The following NEK5 variants were observed in gnomAD, a reference collection of about 807,000 sequenced individuals.
The protein encoded by NEK5 is serine/threonine-protein kinase Nek5.
NEK5 carries 88 observed loss-of-function variants against 109.2 expected under a neutral mutation model. That is an observed-to-expected ratio of 0.81 (90% CI 0.68 to 0.96). The LOEUF (loss-of-function observed/expected upper bound fraction) is 0.96. NEK5 is among the 40% of genes least tolerant of loss of function. The pLI is 0.00. For synonymous variants in NEK5, 283 were observed against 299.9 expected (o/e 0.94, Z 0.58); for missense variants, 834 against 920.7 (o/e 0.91, Z 1.22).
At chr13:52,094,225 A>G (rs777835288) in intron 12 of NEK5, among the ~76,000 whole-genome samples, 17 of 152,242 alleles carry the variant, frequency 1.1e-4, no homozygotes, top group Non-Finnish European at 2.1e-4. Flanking sequence ...TATAAAAGCC[A>G]GTCAAGACCT....
At chr13:52,054,882 A>C (rs1040186826) in intron 22 of NEK5, among the ~76,000 whole-genome samples, 1 of 152,256 alleles carries the variant, frequency 6.6e-6, no homozygotes, top group African/African-American at 2.4e-5. Context: ...AACTCTAAAA[A>C]GCAGAGCACC....
At chr13:52,077,722 C>T (rs906699493) in intron 17 of NEK5, among the ~76,000 whole-genome samples, 1 of 152,148 alleles carries the variant, frequency 6.6e-6, no homozygotes, top group Non-Finnish European at 1.5e-5. Context: ...ATGATCCATC[C>T]ATCCCAGTCC....
chr13:52,125,724 A>T (rs1956053415), intron 3 of NEK5, among the ~76,000 whole-genome samples: 1 of 152,236 alleles, frequency 6.6e-6, no homozygotes, highest in Non-Finnish European at 1.5e-5. Context: ...ACAGAAAAAG[A>T]AAATCAGAAA....
intron 22 of NEK5, among the ~76,000 whole-genome samples, chr13:52,051,211 TTGGCA>T (rs1954503337): frequency 6.6e-6 from 1 of 152,114 alleles, no homozygotes; most frequent in South Asian, 2.1e-4. Context: ...TCCTATCTTT[TTGGCA>T]TGACTTCTGC....
At chr13:52,072,438 T>C (rs1056453795) in intron 19 of NEK5, among the ~76,000 whole-genome samples, 3 of 152,254 alleles carry the variant, frequency 2.0e-5, no homozygotes, top group Non-Finnish European at 2.9e-5. Context: ...AATCTGCTCC[T>C]AGTATTTTGT....
chr13:52,127,220 C>A (rs1956081493), intron 3 of NEK5, 146 bp downstream of exon 3: 1 of 575,880 alleles, frequency 1.7e-6, no homozygotes, highest in Admixed American at 3.0e-5. Flanking sequence ...GCTGTTTGGA[C>A]AATGGACTTA....
chr13:52,092,908 CAAGGG>C, intron 13 of NEK5, 141 bp downstream of exon 13: 1 of 590,304 alleles, frequency 1.7e-6, no homozygotes. Flanking sequence ...AGAAAAAGGT[CAAGGG>C]AACTATGTGT....
intron 15 of NEK5, among the ~76,000 whole-genome samples, 186 bp from the exon 16 acceptor site, chr13:52,086,549 C>G (rs1955147259): frequency 6.6e-6 from 1 of 152,212 alleles, no homozygotes; most frequent in African/African-American, 2.4e-5. Flanking sequence ...GAGACAGTGG[C>G]TTTAGCTACA....
rs1409384764 is a variant in NEK5, at chr13:52,093,072, C to T, written c.1190G>A (p.Gly397Asp). ...VEDYGQETRH[G>D]PSPSQWPAEY... The stretch of plus-strand genomic sequence containing the variant: ...ATATTACCATTGACTTGGGGATGGA[C>T]CATGCCTCGTTTCCTGACCGTAATC... The change falls in exon 13 of 24, where the codon GGT becomes GAT. Residue 397 changes from glycine to aspartate, a missense_variant. Around this residue, in one of 2 missense-constraint regions of NEK5, gnomAD observed 777 missense variants for 824.7 expected, o/e 0.94. Transcript: ENST00000684899. 1.2e-6 allele frequency: 2 copies of T among 1,612,842 alleles called. No homozygotes were observed. Among genetic ancestry groups the T allele is most frequent in the Admixed American group, 3.3e-5 (2 of 60,022 alleles).
At chr13:52,042,283 G>A (rs1440769781) in intron 23 of NEK5, among the ~76,000 whole-genome samples, 1 of 151,510 alleles carries the variant, frequency 6.6e-6, no homozygotes, top group Non-Finnish European at 1.5e-5. Context: ...TGAAATCAGA[G>A]GGAAAGCACG....
At chr13:52,091,471 G>T (rs1955282016) in intron 13 of NEK5, among the ~76,000 whole-genome samples, 1 of 152,154 alleles carries the variant, frequency 6.6e-6, no homozygotes, top group African/African-American at 2.4e-5. Context: ...TATCTTTAAA[G>T]ATAAAACATA....
Position 52,101,946 on chromosome 13 carries a change from C to T in NEK5, c.879G>A (p.Gly293=), listed in dbSNP as rs767756509. The T allele has an allele frequency of 1.5e-5, 24 of 1,613,762 alleles. No homozygotes were observed. The East Asian group carries it at 4.2e-4, about 28-fold the overall frequency. ...RAGAPASRHA[G]KVVQKCKIQK... ...AGTCACACTTACTCTGGACCACCTTCCCAGCATGTCGAGAAGCTGGCGCTC... is the reference window on the plus strand; with the variant it reads ...AGTCACACTTACTCTGGACCACCTTTCCAGCATGTCGAGAAGCTGGCGCTC... Residue 293 remains glycine, a synonymous_variant, in exon 11 of 24, where the codon GGG becomes GGA. Transcript: ENST00000684899.
At chr13:52,078,275 T>C (rs1954904211) in intron 17 of NEK5, among the ~76,000 whole-genome samples, 2 of 152,192 alleles carry the variant, frequency 1.3e-5, no homozygotes, top group African/African-American at 4.8e-5. Context: ...AACATTATTA[T>C]GTGAATGAAA....
chr13:52,062,387 G>C (rs1954620636), intron 21 of NEK5, among the ~76,000 whole-genome samples: 2 of 151,930 alleles, frequency 1.3e-5, no homozygotes, highest in South Asian at 4.1e-4. Flanking sequence ...ATAACATCCA[G>C]AGGTTGGAGG....
chr13:52,077,220 A>G (rs1444093414), intron 17 of NEK5, among the ~76,000 whole-genome samples: 1 of 152,074 alleles, frequency 6.6e-6, no homozygotes, highest in Non-Finnish European at 1.5e-5. Flanking sequence ...AGTGCCCTCC[A>G]CCCCTCTCCA....
At chr13:52,048,154 A>C (rs542978188) in intron 23 of NEK5, among the ~76,000 whole-genome samples, 1 of 152,362 alleles carries the variant, frequency 6.6e-6, no homozygotes, top group African/African-American at 2.4e-5. Flanking sequence ...CTCCCAACAC[A>C]CAGAAACAAT....
intron 21 of NEK5, chr13:52,064,793 C>T (rs1260142356): frequency 4.3e-6 from 1 of 230,008 alleles, no homozygotes; most frequent in Non-Finnish European, 8.4e-6. Flanking sequence ...ATTCTTCTGC[C>T]TTGGGATCCT....
At chr13:52,105,273 GT>G (rs2138030163) in intron 8 of NEK5, among the ~76,000 whole-genome samples, 1 of 116,666 alleles carries the variant, frequency 8.6e-6, no homozygotes, top group South Asian at 2.5e-4. Context: ...GTGTGTGTGT[GT>G]CAGAGAGAAG....
intron 23 of NEK5, among the ~76,000 whole-genome samples, chr13:52,046,256 C>T (rs1954458153): frequency 6.6e-6 from 1 of 150,386 alleles, no homozygotes; most frequent in African/African-American, 2.4e-5. Context: ...GCATGAAAAT[C>T]ACTTGAGTCT....
Sources: gnomAD v4.1 joint callset for allele counts (sites outside exome capture counted in the v4.1 genomes callset) on GRCh38, gnomAD v4.1.1 for gene constraint, gnomAD v4.1.1 regional missense constraint, MANE v1.5 for transcripts, NCBI Gene and HGNC (gene_info 2026-07-23, HGNC 2026-07-21) for gene names.